The following COPS2 variants were observed in gnomAD, a reference collection of about 807,000 sequenced individuals.
COPS2 encodes COP9 signalosome subunit 2, also known as COP9 signalosome complex subunit 2.
Under a neutral mutation model 66.1 loss-of-function variants are expected in COPS2, and 10 were observed. The observed-to-expected ratio is 0.15, with a 90% CI of 0.09 to 0.26. COPS2 has a LOEUF of 0.26. COPS2 is among the 10% of genes least tolerant of loss of function. The pLI is 1.00. For missense variants in COPS2, 215 were observed against 513.3 expected, an observed-to-expected ratio of 0.42 and a Z score of 5.62; for synonymous variants, 179 against 171.3, an observed-to-expected ratio of 1.04 and a Z score of -0.35.
rs2084160032 is a variant in COPS2, at chr15:49,125,643, TTAAG to T, written c.*2303_*2306del. The stretch of plus-strand genomic sequence containing the variant: ...TGTTTTAAGGGAAGAATAAATTATT[TTAAG>T]TTAGTCAGACTGTTAAGATATATTT... On this transcript the variant is annotated 3_prime_UTR_variant, in exon 13 of 13. Coordinates refer to ENST00000388901, the MANE Select transcript of COPS2 (RefSeq NM_004236.4). 6.6e-6 allele frequency: 1 copy of T among 152,164 alleles called. No individual in the cohort carries two copies. Among genetic ancestry groups the T allele is most frequent in the Non-Finnish European group, 1.5e-5 (1 of 67,966 alleles). The allele number at this position is 152,164 out of a possible 1,614,324, so 9.4% of individuals were successfully genotyped here.
At chr15:49,138,821 T>G (rs2084270790) in intron 4 of COPS2, among the ~76,000 whole-genome samples, 1 of 152,160 alleles carries the variant, frequency 6.6e-6, no homozygotes, top group African/African-American at 2.4e-5. Flanking sequence ...CTAAATGACA[T>G]AGAGACTATA....
chr15:49,141,436 C>T (rs2084289150), intron 3 of COPS2, among the ~76,000 whole-genome samples: 1 of 151,864 alleles, frequency 6.6e-6, no homozygotes, highest in Non-Finnish European at 1.5e-5. Context: ...GCAGAGGTTG[C>T]AGTGATGCAG....
At chr15:49,150,609 A>C (rs974918246) in intron 1 of COPS2, among the ~76,000 whole-genome samples, 3 of 152,192 alleles carry the variant, frequency 2.0e-5, no homozygotes, top group African/African-American at 7.2e-5. Context: ...AAATAATGGC[A>C]ACATGGGTGG....
At position 49,147,452 on chromosome 15, in the gene COPS2, G is replaced by C. The variant is rs1256582654; in HGVS notation, c.55-2374C>G. On this transcript the variant is annotated intron_variant, in intron 1 of 12. Coordinates refer to ENST00000388901, the MANE Select transcript of COPS2 (RefSeq NM_004236.4). ...GAGAAGAGGAAAGTAGAAGCTGAAAGGTATACATGACAACAGTAGGACTAG... is the reference window on the plus strand; with the variant it reads ...GAGAAGAGGAAAGTAGAAGCTGAAACGTATACATGACAACAGTAGGACTAG... Among the ~76,000 whole-genome samples, 11 of 152,142 alleles carry C rather than the reference G, an allele frequency of 7.2e-5. 1 individual carries two copies. In the East Asian group the frequency reaches 2.1e-3, roughly 29 times the overall value.
intron 1 of COPS2, among the ~76,000 whole-genome samples, chr15:49,149,757 A>G (rs1448391452): frequency 6.6e-6 from 1 of 152,162 alleles, no homozygotes; most frequent in Non-Finnish European, 1.5e-5. Context: ...TACTTTAGGA[A>G]AACAATACTC....
chr15:49,148,627 T>G (rs1235384906), intron 1 of COPS2, among the ~76,000 whole-genome samples: 2 of 152,166 alleles, frequency 1.3e-5, no homozygotes, highest in African/African-American at 4.8e-5. Context: ...AAAGAGCCTC[T>G]AAAAGATTTT....
At chr15:49,149,109 G>T (rs2084341013) in intron 1 of COPS2, among the ~76,000 whole-genome samples, 2 of 152,050 alleles carry the variant, frequency 1.3e-5, no homozygotes, top group Non-Finnish European at 2.9e-5. Context: ...TGTTTTACAA[G>T]AACAGTTGTA....
intron 3 of COPS2, among the ~76,000 whole-genome samples, chr15:49,142,776 C>G (rs1341928527): frequency 6.6e-6 from 1 of 152,106 alleles, no homozygotes; most frequent in Non-Finnish European, 1.5e-5. Flanking sequence ...AGTATAATGT[C>G]ATAATTCCAG....
intron 4 of COPS2, among the ~76,000 whole-genome samples, chr15:49,138,880 GGACTATACTGCTTACAA>G (rs1440097825): frequency 6.6e-6 from 1 of 151,692 alleles, no homozygotes; most frequent in African/African-American, 2.4e-5. Context: ...CTAAAACTGA[GGACTATACTGCTTACAA>G]GGATAAGGAC....
chr15:49,152,857 T>G (rs2084372362), intron 1 of COPS2, among the ~76,000 whole-genome samples: 1 of 152,160 alleles, frequency 6.6e-6, no homozygotes, highest in Admixed American at 6.5e-5. Flanking sequence ...ATATTCAACT[T>G]CATTTTACTG....
chr15:49,136,287 T>C (rs2084251077), intron 6 of COPS2, among the ~76,000 whole-genome samples: 2 of 152,214 alleles, frequency 1.3e-5, no homozygotes, highest in African/African-American at 2.4e-5. Context: ...TATTAAATGA[T>C]GTATTTGGTT....
chr15:49,134,145 CA>C, intron 7 of COPS2, 37 bp from the exon 8 acceptor site: 1 of 1,562,294 alleles, frequency 6.4e-7, no homozygotes, highest in Non-Finnish European at 8.7e-7. Context: ...AGGACATTTT[CA>C]GTTCTGTAAT....
chr15:49,155,153 G>A (rs1161206943), intron 1 of COPS2, among the ~76,000 whole-genome samples: 1 of 152,348 alleles, frequency 6.6e-6, no homozygotes, highest in East Asian at 1.9e-4. Context: ...CGGAACGCTG[G>A]GCCCGAAAGG....
intron 1 of COPS2, among the ~76,000 whole-genome samples, chr15:49,153,365 C>T (rs2084375724): frequency 6.7e-6 from 1 of 149,444 alleles, no homozygotes; most frequent in African/African-American, 2.5e-5. Flanking sequence ...CAAATCAAAA[C>T]CACAATTAGA....
rs2084306755 is a variant in COPS2, at chr15:49,144,141, G to C, written c.246+86C>G. 3 of 861,256 alleles carry C rather than the reference G, an allele frequency of 3.5e-6. No individual in the cohort carries two copies. In the South Asian group the frequency reaches 4.3e-5, roughly 12 times the overall value. The allele number at this position is 861,256 out of a possible 1,614,324, so 53.4% of individuals were successfully genotyped here. On this transcript the variant is annotated intron_variant, in intron 3 of 12. Transcript: ENST00000388901. ...AAAACACATCCAAAGAAGTACTTTA[G>C]AAAAGAAGATATAATAGTACTTTGT...
chr15:49,145,861 T>C (rs2141131515), intron 1 of COPS2, among the ~76,000 whole-genome samples: 1 of 152,234 alleles, frequency 6.6e-6, no homozygotes, highest in South Asian at 2.1e-4. Context: ...AAAATACACA[T>C]GGATTGGTAT....
At chr15:49,131,640 T>C (rs929850409) in intron 9 of COPS2, among the ~76,000 whole-genome samples, 4 of 152,050 alleles carry the variant, frequency 2.6e-5, no homozygotes, top group Non-Finnish European at 5.9e-5. Flanking sequence ...CAGGAATTAT[T>C]TTCCTCTAGT....
At chr15:49,152,837 A>G (rs1192011141) in intron 1 of COPS2, among the ~76,000 whole-genome samples, 1 of 152,182 alleles carries the variant, frequency 6.6e-6, no homozygotes, top group Admixed American at 6.5e-5. Context: ...AAAAAAGTTA[A>G]AGCAATTATA....
chr15:49,139,773 T>C (rs560819447), intron 3 of COPS2, 120 bp from the exon 4 acceptor site: 28 of 713,862 alleles, frequency 3.9e-5, no homozygotes, highest in Middle Eastern at 4.1e-4. Flanking sequence ...GTTCCTGATA[T>C]AGTTTTGTAA....
Sources: gnomAD v4.1 joint callset for allele counts (sites outside exome capture counted in the v4.1 genomes callset) on GRCh38, gnomAD v4.1.1 for gene constraint, MANE v1.5 for transcripts, NCBI Gene and HGNC (gene_info 2026-07-23, HGNC 2026-07-21) for gene names.